MAGI2: variants seen among roughly 807,000 people sequenced by gnomAD.
MAGI2 encodes membrane associated guanylate kinase, WW and PDZ domain containing 2.
In MAGI2, 35 loss-of-function variants were observed where a neutral mutation model predicts 133.3. The observed-to-expected ratio is 0.26, with a 90% CI of 0.20 to 0.35. MAGI2 has a LOEUF of 0.35. Among genes scored for constraint, MAGI2 ranks in the 10% least tolerant of loss-of-function variants. The pLI is 1.00. For missense variants in MAGI2, 1,636 were observed against 1,863.4 expected, an observed-to-expected ratio of 0.88 and a Z score of 2.25; for synonymous variants, 729 against 710.6, an observed-to-expected ratio of 1.03 and a Z score of -0.41.
intron 3 of MAGI2, among the ~76,000 whole-genome samples, chr7:78,575,600 G>A (rs752725267): frequency 6.6e-6 from 1 of 152,068 alleles, no homozygotes; most frequent in African/African-American, 2.4e-5. Context: ...GCTTAATATC[G>A]ATAGTGATAA....
At chr7:78,955,743 T>C (rs1038416132) in intron 2 of MAGI2, among the ~76,000 whole-genome samples, 1 of 66,130 alleles carries the variant, frequency 1.5e-5, no homozygotes, top group South Asian at 5.0e-4. Context: ...CTTTCTTTCT[T>C]TCTTTCTTTC....
chr7:79,108,404 A>G (rs896232735), intron 1 of MAGI2, among the ~76,000 whole-genome samples: 2 of 152,224 alleles, frequency 1.3e-5, no homozygotes, highest in Non-Finnish European at 2.9e-5. Context: ...TTAGTATATT[A>G]CTGAAATGTG....
intron 11 of MAGI2, among the ~76,000 whole-genome samples, chr7:78,199,891 A>T (rs902378444): frequency 6.6e-6 from 1 of 152,226 alleles, no homozygotes; most frequent in African/African-American, 2.4e-5. Context: ...TAAGGAAATC[A>T]CTAGATTGTA....
rs145495829 is a variant in MAGI2 at position 78,080,010 on chromosome 7, G to C, written c.3568-925C>G. On this transcript the variant is annotated intron_variant, in intron 20 of 21. Transcript: ENST00000354212. ...TTTGCAAAAATGCTATTTTAGTTAG[G>C]TCCCTTAAAGCAGATCTCAGTCTAA... is the stretch of plus-strand genomic sequence containing the variant. Among the ~76,000 whole-genome samples, 7 of 152,264 alleles carry C rather than the reference G, an allele frequency of 4.6e-5. No individual in the cohort carries two copies. In the East Asian group the frequency reaches 1.4e-3, roughly 29 times the overall value.
chr7:79,106,459 T>C (rs890189023), intron 1 of MAGI2, among the ~76,000 whole-genome samples: 10 of 152,164 alleles, frequency 6.6e-5, no homozygotes, highest in African/African-American at 2.4e-4. Context: ...TATATAAATT[T>C]TAAAATAAAA....
intron 12 of MAGI2, among the ~76,000 whole-genome samples, chr7:78,188,484 A>T (rs544316617): frequency 1.3e-5 from 2 of 152,336 alleles, no homozygotes; most frequent in South Asian, 4.1e-4. Flanking sequence ...ACAATTGAGG[A>T]CATTTAAAAT....
At chr7:79,126,826 T>C (rs937434046) in intron 1 of MAGI2, among the ~76,000 whole-genome samples, 14 of 151,824 alleles carry the variant, frequency 9.2e-5, no homozygotes, top group Admixed American at 9.2e-4. Context: ...ATACTTTAAG[T>C]TTTAGGATAC....
At chr7:78,970,201 CAT>C (rs1394943729) in intron 2 of MAGI2, among the ~76,000 whole-genome samples, 2 of 152,082 alleles carry the variant, frequency 1.3e-5, no homozygotes, top group Non-Finnish European at 2.9e-5. Context: ...GTGACCTACA[CAT>C]ATATGAGGGT....
chr7:78,820,738 GGTCAAA>G (rs750381236), intron 2 of MAGI2, among the ~76,000 whole-genome samples: 7 of 151,834 alleles, frequency 4.6e-5, no homozygotes, highest in Admixed American at 2.0e-4. Flanking sequence ...ATGATGAATA[GGTCAAA>G]GTCAAAGAAA....
At chr7:79,103,896 T>C (rs1339503214) in intron 1 of MAGI2, among the ~76,000 whole-genome samples, 1 of 151,728 alleles carries the variant, frequency 6.6e-6, no homozygotes, top group African/African-American at 2.4e-5. Context: ...AGAGACGGGG[T>C]TTCACCACGT....
chr7:78,561,865 G>A (rs1474572635), intron 3 of MAGI2, among the ~76,000 whole-genome samples: 1 of 152,176 alleles, frequency 6.6e-6, no homozygotes, highest in Non-Finnish European at 1.5e-5. Context: ...GAAGGTATAA[G>A]TGAGTTAGGA....
At chr7:79,448,600 A>T (rs927465702) in intron 1 of MAGI2, among the ~76,000 whole-genome samples, 3 of 152,156 alleles carry the variant, frequency 2.0e-5, no homozygotes, top group Non-Finnish European at 2.9e-5. Flanking sequence ...CTCAGGAATT[A>T]AAACTAGGTG....
At chr7:78,732,191 G>T (rs1821429559) in intron 2 of MAGI2, among the ~76,000 whole-genome samples, 1 of 152,086 alleles carries the variant, frequency 6.6e-6, no homozygotes, top group African/African-American at 2.4e-5. Context: ...AGGTAGGTGG[G>T]TCAATGATAA....
At chr7:78,382,589 T>C (rs1795023538) in intron 6 of MAGI2, among the ~76,000 whole-genome samples, 1 of 152,088 alleles carries the variant, frequency 6.6e-6, no homozygotes, top group Non-Finnish European at 1.5e-5. Context: ...ACAAGAAATT[T>C]TGTTACACGT....
intron 20 of MAGI2, among the ~76,000 whole-genome samples, chr7:78,110,784 G>A (rs927246154): frequency 3.3e-5 from 5 of 152,166 alleles, no homozygotes; most frequent in African/African-American, 1.2e-4. Flanking sequence ...GAGCTAGGAA[G>A]CAGCCACAAA....
intron 1 of MAGI2, among the ~76,000 whole-genome samples, chr7:79,025,487 C>T (rs1809796036): frequency 6.6e-6 from 1 of 152,046 alleles, no homozygotes; most frequent in South Asian, 2.1e-4. Context: ...CCACATGTAC[C>T]CCTGAGCCTA....
chr7:78,446,217 G>C (rs1156831776), intron 6 of MAGI2, among the ~76,000 whole-genome samples: 2 of 151,806 alleles, frequency 1.3e-5, no homozygotes, highest in Non-Finnish European at 2.9e-5. Context: ...TTTTTAATGA[G>C]ATACAAGGAA....
chr7:79,309,535 T>C (rs956853355), intron 1 of MAGI2, among the ~76,000 whole-genome samples: 1 of 151,906 alleles, frequency 6.6e-6, no homozygotes, highest in Non-Finnish European at 1.5e-5. Flanking sequence ...CTTCTTTTAT[T>C]GGAAAACTTC....
intron 1 of MAGI2, among the ~76,000 whole-genome samples, chr7:79,391,248 G>A (rs976371139): frequency 1.3e-5 from 2 of 151,570 alleles, no homozygotes; most frequent in Non-Finnish European, 2.9e-5. Flanking sequence ...GAGGAAACAG[G>A]GAAAGCTGGT....
Sources: gnomAD v4.1 joint callset for allele counts (sites outside exome capture counted in the v4.1 genomes callset) on GRCh38, gnomAD v4.1.1 for gene constraint, MANE v1.5 for transcripts, NCBI Gene and HGNC (gene_info 2026-07-23, HGNC 2026-07-21) for gene names.